Variants in FIBCD1 observed in about 807,000 individuals in gnomAD.
The protein encoded by FIBCD1 is fibrinogen C domain containing 1, also known as fibrinogen C domain-containing protein 1.
In FIBCD1, 47 loss-of-function variants were observed where a neutral mutation model predicts 45.1. The observed-to-expected ratio is 1.04, with a 90% CI of 0.82 to 1.33. The LOEUF (loss-of-function observed/expected upper bound fraction) is 1.33, where lower values mean the gene tolerates loss of function less well. Among genes scored for constraint, FIBCD1 ranks in the 40% most tolerant of loss-of-function variants. FIBCD1 has a pLI of 0.00. For synonymous variants in FIBCD1, 313 were observed against 308.1 expected (o/e 1.02, Z -0.17); for missense variants, 653 against 682.2 (o/e 0.96, Z 0.48).
intron 3 of FIBCD1, 116 bp from the exon 4 acceptor site, chr9:130,923,996 C>A: frequency 6.6e-7 from 1 of 1,507,594 alleles, no homozygotes; most frequent in South Asian, 1.2e-5. Context: ...GTTGAGAGAG[C>A]ACTGGCCTTG....
In FIBCD1 at chr9:130,902,584, C is replaced by G. The variant is rs926062099; in HGVS notation, c.*1480G>C. 6.6e-6 allele frequency: 1 copy of G among 152,294 alleles called. No individual in the cohort carries two copies. The highest frequency in any genetic ancestry group is 6.5e-5 in the Admixed American group (1 of 15,286). The allele number at this position is 152,294 out of a possible 1,614,324, so 9.4% of individuals were successfully genotyped here. A position where few individuals can be genotyped will look rare whatever the true frequency, so the allele number is the denominator to read the frequency against. On this transcript the variant is annotated 3_prime_UTR_variant, in exon 7 of 7. Coordinates refer to ENST00000372338, the MANE Select transcript of FIBCD1 (RefSeq NM_032843.5). ...GGGGAAGGGAGAACGGAACCCCACA[C>G]CCCCTAGGCACCTGCCATCGGGTGT...
chr9:130,904,024 G>A lies in FIBCD1; in HGVS notation c.*40C>T, dbSNP rs756419916. On this transcript the variant is annotated 3_prime_UTR_variant, in exon 7 of 7. Transcript: ENST00000372338. Reference sequence around the variant, plus strand: ...AGAGTGAGGTGGGGTCGGGGATGGGGCGACAGGGACCAGCAGGGCCAAGGA... The same window carrying A: ...AGAGTGAGGTGGGGTCGGGGATGGGACGACAGGGACCAGCAGGGCCAAGGA... 1.2e-6 allele frequency: 2 copies of A among 1,602,792 alleles called. No individual in the cohort carries two copies. Among genetic ancestry groups the A allele is most frequent in the Admixed American group, 3.4e-5 (2 of 58,092 alleles).
intron 5 of FIBCD1, 113 bp downstream of exon 5, chr9:130,911,679 C>G (rs112808686): frequency 3.4e-6 from 3 of 884,972 alleles, no homozygotes; most frequent in African/African-American, 1.7e-5. Context: ...TCAGGTGTGC[C>G]GAGGCCAGGG....
chr9:130,909,093 G>A (rs925297532), intron 5 of FIBCD1, among the ~76,000 whole-genome samples: 5 of 152,078 alleles, frequency 3.3e-5, no homozygotes, highest in Admixed American at 2.6e-4. Flanking sequence ...TCTCCTTCCC[G>A]CCTAAGCCTC....
At chr9:130,927,028 A>G (rs2061089633) in intron 2 of FIBCD1, among the ~76,000 whole-genome samples, 1 of 152,066 alleles carries the variant, frequency 6.6e-6, no homozygotes, top group African/African-American at 2.4e-5. Context: ...GCTTGAGGCC[A>G]GGAGTTTGAG....
intron 1 of FIBCD1, chr9:130,933,988 C>CA (rs1178005601): frequency 6.6e-6 from 1 of 152,422 alleles, no homozygotes; most frequent in Non-Finnish European, 1.5e-5. Context: ...GGCAGCTGTT[C>CA]TGCATGACAA....
rs756451111 is a variant in FIBCD1, at chr9:130,923,744, C to T, written c.849G>A (p.Thr283=). ...CGCCCGCCCAGCCTGGGACACTCAC[C>T]GTCCAGCCGCCGCCGTCCGTGCGCA... ...CDMRTDGGGW[T]VFQRREDGSV... The change falls in exon 4 of 7, where the codon ACG becomes ACA. Residue 283 remains threonine (T), a splice_region_variant and synonymous_variant. Coordinates refer to ENST00000372338, the MANE Select transcript of FIBCD1 (RefSeq NM_032843.5). 33 of 1,611,604 alleles carry T rather than the reference C, an allele frequency of 2.0e-5. No homozygotes were observed. The highest frequency in any genetic ancestry group is 4.5e-5 in the East Asian group (2 of 44,884).
In FIBCD1 at chr9:130,929,839, T is replaced by C. The variant is rs1832416357; in HGVS notation, c.280A>G (p.Ile94Val). Residue 94 changes from isoleucine to valine, a missense_variant, in exon 2 of 7, where the codon ATT becomes GTT. Coordinates refer to ENST00000372338, the MANE Select transcript of FIBCD1 (RefSeq NM_032843.5). ...RADSSHLSIL[I>V]DPRCPDLTDS... ...GTGAGGTCGGGGCAGCGCGGGTCAA[T>C]GAGGATGCTGAGGTGCGAGCTGTCC... 6.5e-7 allele frequency: 1 copy of C among 1,549,718 alleles called. No individual in the cohort carries two copies. The highest frequency in any genetic ancestry group is 8.7e-7 in the Non-Finnish European group (1 of 1,146,676).
At chr9:130,939,701 C>T (rs1832586615), upstream of FIBCD1, among the ~76,000 whole-genome samples, 1 of 151,996 alleles carries the variant, frequency 6.6e-6, no homozygotes, top group African/African-American at 2.4e-5. Context: ...CCCGCGTGGT[C>T]CCAGCCCCCG....
Position 130,931,158 on chromosome 9 carries a change from A to G in FIBCD1, c.73-1112T>C, listed in dbSNP as rs530618427. On this transcript the variant is annotated intron_variant, in intron 1 of 6. Transcript: ENST00000372338. ...CTGGAGAAGAGGCCTGCTGCCCTCC[A>G]AGGAGGAGGGGGGCTGAGGCAACAG... Among the ~76,000 whole-genome samples, 2 of 152,190 alleles carry G rather than the reference A, an allele frequency of 1.3e-5. 1 individual carries two copies. Among genetic ancestry groups the G allele is most frequent in the South Asian group, 4.2e-4 (2 of 4,814 alleles).
In FIBCD1 at chr9:130,926,683, G is replaced by A. The variant is rs912671332; in HGVS notation, c.553-2287C>T. 3.3e-5 allele frequency among the ~76,000 whole-genome samples: 5 copies of A among 152,092 alleles called. No individual in the cohort carries two copies. Among genetic ancestry groups the A allele is most frequent in the African/African-American group, 9.7e-5 (4 of 41,396 alleles). On this transcript the variant is annotated intron_variant, in intron 2 of 6. Transcript: ENST00000372338. This position sits in a 1 kb window ranked among gnomAD's most constrained non-coding sequence, Gnocchi z 4.1. ...AAAAATACAAAAAAATTAGCCGGGC[G>A]TGGTGGCGGGCGCCTGTAGTCCCAG...
chr9:130,929,306 G>A (rs1392554438), intron 2 of FIBCD1, among the ~76,000 whole-genome samples: 1 of 152,180 alleles, frequency 6.6e-6, no homozygotes, highest in Non-Finnish European at 1.5e-5. Context: ...GCCAAGTGCC[G>A]TGGGGTGCTG....
intron 5 of FIBCD1, among the ~76,000 whole-genome samples, chr9:130,910,505 C>T (rs1045793533): frequency 1.6e-4 from 25 of 152,242 alleles, no homozygotes; most frequent in Non-Finnish European, 3.7e-4. Flanking sequence ...CTGAGGAGTG[C>T]AGGCACACGG....
intron 4 of FIBCD1, among the ~76,000 whole-genome samples, chr9:130,916,368 C>A (rs1473801132): frequency 2.0e-5 from 3 of 152,256 alleles, no homozygotes; most frequent in Non-Finnish European, 4.4e-5. Flanking sequence ...CAGCCTTTGC[C>A]ACGGGCTGTC....
intron 5 of FIBCD1, among the ~76,000 whole-genome samples, chr9:130,910,511 C>A (rs1057185448): frequency 1.3e-5 from 2 of 152,356 alleles, no homozygotes; most frequent in Non-Finnish European, 1.5e-5. Context: ...AGTGCAGGCA[C>A]ACGGCGCGGG....
Position 130,922,541 on chromosome 9 carries a change from T to C in FIBCD1, c.849+1203A>G, listed in dbSNP as rs1832279142. On this transcript the variant is annotated intron_variant, in intron 4 of 6. Coordinates refer to ENST00000372338, the MANE Select transcript of FIBCD1 (RefSeq NM_032843.5). The surrounding 1 kb of genome is among the most constrained non-coding windows in gnomAD (Gnocchi z 4.5). ...GCCTGTGGATGACAGGGCCAGAGCG[T>C]GGAACCTCCAGGCTCCCCGCCTCTC... Among the ~76,000 whole-genome samples the C allele has an allele frequency of 6.6e-6, 1 of 151,860 alleles. No individual in the cohort carries two copies. The highest frequency in any genetic ancestry group is 2.4e-5 in the African/African-American group (1 of 41,312).
In FIBCD1 at chr9:130,908,391, G is replaced by T. The variant is rs755518709; in HGVS notation, c.947-2978C>A. Reference sequence around the variant, plus strand: ...AGATACCATGAGCACGGGCATCACCGCTGCTCCAGGGGGTGGGTGGTGGCG... The same window carrying T: ...AGATACCATGAGCACGGGCATCACCTCTGCTCCAGGGGGTGGGTGGTGGCG... On this transcript the variant is annotated intron_variant, in intron 5 of 6. Coordinates refer to ENST00000372338, the MANE Select transcript of FIBCD1 (RefSeq NM_032843.5). Among the ~76,000 whole-genome samples the T allele has an allele frequency of 2.0e-5, 3 of 152,324 alleles. No homozygotes were observed. The East Asian group carries it at 5.8e-4, about 29-fold the overall frequency.
rs1190722666 is a variant in FIBCD1, at chr9:130,938,668, C to G, written c.-61G>C. The G allele has an allele frequency of 8.6e-7, 1 of 1,166,046 alleles. No homozygotes were observed. The highest frequency in any genetic ancestry group is 1.6e-5 in the African/African-American group (1 of 61,558). 72.2% of individuals were successfully genotyped at this position (1,166,046 alleles called of 1,614,324 possible). ...GCGCCGCTGCGGAGCGCAAAGGAGA[C>G]GGGGTGGGCGCGGGCGCGGGCGCGG... On this transcript the variant is annotated 5_prime_UTR_variant, in exon 1 of 7. Coordinates refer to ENST00000372338, the MANE Select transcript of FIBCD1 (RefSeq NM_032843.5).
chr9:130,920,948 A>G (rs1336327537), intron 4 of FIBCD1, among the ~76,000 whole-genome samples: 2 of 152,232 alleles, frequency 1.3e-5, no homozygotes, highest in Admixed American at 1.3e-4. Flanking sequence ...CACAAGAATG[A>G]GCGTGTGCCA....
Sources: allele counts gnomAD v4.1 joint callset (sites outside exome capture counted in the v4.1 genomes callset), GRCh38; gene constraint gnomAD v4.1.1; non-coding constraint Gnocchi (gnomAD v3.1); transcripts MANE v1.5; gene names NCBI Gene and HGNC (gene_info 2026-07-23, HGNC 2026-07-21).